NTM: variants seen among roughly 807,000 people sequenced by gnomAD.
The protein encoded by NTM is neurotrimin, also known as IgLON family member 2.
In NTM, 13 loss-of-function variants were observed where a neutral mutation model predicts 42.1. The ratio of observed to expected loss-of-function variants is 0.31; its 90% CI spans 0.20 to 0.49. The LOEUF (loss-of-function observed/expected upper bound fraction) is 0.49. Ranked by LOEUF, NTM falls within the 20% of genes least tolerant of loss-of-function variation. NTM has a pLI of 0.99. For synonymous variants in NTM, 187 were observed against 179.2 expected, an observed-to-expected ratio of 1.04 and a Z score of -0.35; for missense variants, 373 against 452.8, an observed-to-expected ratio of 0.82 and a Z score of 1.60.
chr11:131,372,532 C>A (rs1941363691), intron 1 of NTM, among the ~76,000 whole-genome samples: 1 of 151,862 alleles, frequency 6.6e-6, no homozygotes, highest in Non-Finnish European at 1.5e-5. Context: ...CAGGATCGGG[C>A]AGTTTCGGAA....
intron 1 of NTM, among the ~76,000 whole-genome samples, chr11:131,451,620 A>G (rs1950496315): frequency 6.6e-6 from 1 of 152,156 alleles, no homozygotes; most frequent in Non-Finnish European, 1.5e-5. Context: ...AGAGATGGGT[A>G]TGGCTGGAAC....
intron 5 of NTM, among the ~76,000 whole-genome samples, 162 bp downstream of exon 5, chr11:132,307,985 G>A (rs778084919): frequency 9.9e-5 from 15 of 152,220 alleles, no homozygotes; most frequent in Non-Finnish European, 1.9e-4. Context: ...TTTCAAACTC[G>A]AGTTTTTGAC....
intron 1 of NTM, among the ~76,000 whole-genome samples, chr11:131,726,296 A>G (rs2078961201): frequency 6.6e-6 from 1 of 152,078 alleles, no homozygotes; most frequent in African/African-American, 2.4e-5. Flanking sequence ...TTCAAGGTTT[A>G]CCTCTTCCTA....
rs192857853 is a variant in NTM at position 131,416,268 on chromosome 11, C to T, written c.82+45380C>T. ...ATATTGTGTTCTTATTTCCAAACCCCTTTCTATGTTGGTAAGAAAACCAGG... is the reference window on the plus strand; with the variant it reads ...ATATTGTGTTCTTATTTCCAAACCCTTTTCTATGTTGGTAAGAAAACCAGG... On this transcript the variant is annotated intron_variant, in intron 1 of 8. Transcript: ENST00000683400. Among the ~76,000 whole-genome samples, 564 of 152,188 alleles carry T rather than the reference C, an allele frequency of 3.7e-3. 2 individuals are homozygous for T. Among genetic ancestry groups the T allele is most frequent in the Non-Finnish European group, 6.3e-3 (431 of 68,014 alleles).
chr11:131,907,669 G>T (rs947319209), intron 1 of NTM, among the ~76,000 whole-genome samples: 1 of 152,164 alleles, frequency 6.6e-6, no homozygotes, highest in Non-Finnish European at 1.5e-5. Context: ...GAGGGTGGAG[G>T]TGGGCGCTCG....
At chr11:131,613,832 G>A (rs1476150740) in intron 1 of NTM, among the ~76,000 whole-genome samples, 1 of 152,096 alleles carries the variant, frequency 6.6e-6, no homozygotes, top group East Asian at 1.9e-4. Flanking sequence ...AAGCTGGCGG[G>A]AGCCTGGGAA....
intron 4 of NTM, among the ~76,000 whole-genome samples, chr11:132,233,330 G>C (rs1279582499): frequency 6.6e-6 from 1 of 152,168 alleles, no homozygotes; most frequent in Non-Finnish European, 1.5e-5. Flanking sequence ...TGAGGGAGGA[G>C]AATCAGTTGA....
chr11:131,517,744 A>G (rs1302464452), intron 1 of NTM, among the ~76,000 whole-genome samples: 1 of 152,102 alleles, frequency 6.6e-6, no homozygotes, highest in Non-Finnish European at 1.5e-5. Flanking sequence ...ACCTGTATTG[A>G]CCTGCCTTCA....
chr11:132,129,780 C>T (rs907565126), intron 2 of NTM, among the ~76,000 whole-genome samples: 1 of 152,210 alleles, frequency 6.6e-6, no homozygotes, highest in African/African-American at 2.4e-5. Context: ...GAAGAGCATA[C>T]AGTACAGGAG....
intron 1 of NTM, among the ~76,000 whole-genome samples, chr11:131,857,947 T>A (rs2046262722): frequency 6.6e-6 from 1 of 152,252 alleles, no homozygotes; most frequent in Non-Finnish European, 1.5e-5. Context: ...CCCTTTATTG[T>A]CTGGTTCCTG....
intron 1 of NTM, among the ~76,000 whole-genome samples, chr11:131,396,728 A>G (rs565739243): frequency 9.2e-5 from 14 of 152,014 alleles, no homozygotes; most frequent in East Asian, 3.9e-4. Context: ...CAGCTACTCG[A>G]GAGGCTGAGG....
At chr11:131,371,895 G>T (rs1300050070) in intron 1 of NTM, among the ~76,000 whole-genome samples, 2 of 152,216 alleles carry the variant, frequency 1.3e-5, no homozygotes, top group African/African-American at 4.8e-5. Flanking sequence ...CAGGGCTCCG[G>T]GAGGAGGAGC....
chr11:131,405,702 C>T (rs1015029439), intron 1 of NTM, among the ~76,000 whole-genome samples: 4 of 152,154 alleles, frequency 2.6e-5, no homozygotes, highest in African/African-American at 9.7e-5. Flanking sequence ...TCCAAGCATA[C>T]ATCCAATTTT....
intron 2 of NTM, among the ~76,000 whole-genome samples, chr11:132,140,523 A>G (rs1412157512): frequency 2.0e-5 from 3 of 152,186 alleles, no homozygotes; most frequent in East Asian, 1.9e-4. Context: ...TTGTCTCTCT[A>G]TGACCCAGAT....
At chr11:131,567,154 C>A (rs1046588883) in intron 1 of NTM, among the ~76,000 whole-genome samples, 2 of 151,828 alleles carry the variant, frequency 1.3e-5, no homozygotes, top group African/African-American at 2.4e-5. Flanking sequence ...CTGTGGGGGA[C>A]TGGGGAAGAG....
chr11:131,382,768 G>A (rs2135531841), intron 1 of NTM, among the ~76,000 whole-genome samples: 1 of 152,326 alleles, frequency 6.6e-6, no homozygotes, highest in South Asian at 2.1e-4. Flanking sequence ...AACATGACCA[G>A]TTTGATAATG....
chr11:132,123,620 A>G (rs2065192419), intron 2 of NTM, among the ~76,000 whole-genome samples: 1 of 152,186 alleles, frequency 6.6e-6, no homozygotes, highest in Non-Finnish European at 1.5e-5. Context: ...CCCATACACA[A>G]TGCTATATGC....
chr11:131,591,413 A>G (rs2059358103), intron 1 of NTM, among the ~76,000 whole-genome samples: 1 of 152,198 alleles, frequency 6.6e-6, no homozygotes, highest in Non-Finnish European at 1.5e-5. Flanking sequence ...CTGACAGTCC[A>G]TGGAGCTGAG....
At chr11:131,612,702 C>T (rs2137550924) in intron 1 of NTM, among the ~76,000 whole-genome samples, 1 of 152,358 alleles carries the variant, frequency 6.6e-6, no homozygotes, top group African/African-American at 2.4e-5. Context: ...CGACAGCGTG[C>T]TAGTGGAAGG....
Sources: allele counts gnomAD v4.1 joint callset (sites outside exome capture counted in the v4.1 genomes callset), GRCh38; gene constraint gnomAD v4.1.1; transcripts MANE v1.5; gene names NCBI Gene and HGNC (gene_info 2026-07-23, HGNC 2026-07-21).